PRDM16: variants seen among roughly 807,000 people sequenced by gnomAD.
PRDM16 encodes the protein histone-lysine N-methyltransferase PRDM16.
PRDM16 carries 23 observed loss-of-function variants against 110.6 expected under a neutral mutation model. That is an observed-to-expected ratio of 0.21 (90% CI 0.15 to 0.29). The LOEUF (loss-of-function observed/expected upper bound fraction) is 0.29. Ranked by LOEUF, PRDM16 falls within the 10% of genes least tolerant of loss-of-function variation. The pLI is 1.00. For missense variants in PRDM16, 1,615 were observed against 1,794.3 expected (o/e 0.90, Z 1.81); for synonymous variants, 799 against 781.8 (o/e 1.02, Z -0.37).
intron 2 of PRDM16, among the ~76,000 whole-genome samples, chr1:3,203,655 C>G (rs1638684004): frequency 6.6e-6 from 1 of 152,216 alleles, no homozygotes; most frequent in Non-Finnish European, 1.5e-5. Context: ...AGGCCTCTGG[C>G]TTTATCTTCA....
intron 3 of PRDM16, among the ~76,000 whole-genome samples, chr1:3,351,249 C>G (rs1468741176): frequency 6.6e-6 from 1 of 152,128 alleles, no homozygotes; most frequent in Middle Eastern, 3.2e-3. Context: ...GGGTGTCCCT[C>G]CCGGTCCCTC....
chr1:3,155,166 C>T (rs147049034), intron 1 of PRDM16, among the ~76,000 whole-genome samples: 137 of 152,294 alleles, frequency 9.0e-4, no homozygotes, highest in Non-Finnish European at 1.7e-3. Context: ...TGCCGTCCTG[C>T]GGACCTCTCC....
chr1:3,343,719 C>T (rs1014704562), intron 3 of PRDM16, among the ~76,000 whole-genome samples: 1 of 151,974 alleles, frequency 6.6e-6, no homozygotes, highest in African/African-American at 2.4e-5. Context: ...CTACAAGCTC[C>T]GCCTCCCGGG....
At chr1:3,117,909 G>A (rs1042358561) in intron 1 of PRDM16, among the ~76,000 whole-genome samples, 1 of 152,212 alleles carries the variant, frequency 6.6e-6, no homozygotes, top group Non-Finnish European at 1.5e-5. Context: ...GGCTACAAGA[G>A]GCAGGGCTTC....
chr1:3,159,297 C>G (rs1251543044), intron 1 of PRDM16, among the ~76,000 whole-genome samples: 3 of 152,262 alleles, frequency 2.0e-5, no homozygotes, highest in Admixed American at 2.0e-4. Flanking sequence ...GCAAGGGCCG[C>G]CATCACGATG....
At chr1:3,077,969 GC>G (rs1193973239) in intron 1 of PRDM16, among the ~76,000 whole-genome samples, 1 of 152,192 alleles carries the variant, frequency 6.6e-6, no homozygotes, top group Non-Finnish European at 1.5e-5. Flanking sequence ...ATCTGTTCTG[GC>G]CCCTGCCACA....
chr1:3,345,188 C>T (rs539253605), intron 3 of PRDM16, among the ~76,000 whole-genome samples: 1 of 152,350 alleles, frequency 6.6e-6, no homozygotes, highest in African/African-American at 2.4e-5. Flanking sequence ...GACAGTGGCC[C>T]TCACAGTGCA....
At chr1:3,272,493 C>T (rs995038307) in intron 3 of PRDM16, among the ~76,000 whole-genome samples, 4 of 152,132 alleles carry the variant, frequency 2.6e-5, no homozygotes, top group South Asian at 4.1e-4. Context: ...AGGCTCCTTC[C>T]GGGACCTCGG....
At chr1:3,177,320 C>T (rs1420167756) in intron 1 of PRDM16, among the ~76,000 whole-genome samples, 1 of 152,198 alleles carries the variant, frequency 6.6e-6, no homozygotes, top group Non-Finnish European at 1.5e-5. Context: ...GACGAAGGCC[C>T]TTACTGACTG....
chr1:3,413,187 A>C (rs547492204), intron 9 of PRDM16, among the ~76,000 whole-genome samples: 1 of 139,862 alleles, frequency 7.1e-6, no homozygotes, highest in East Asian at 2.5e-4. Flanking sequence ...TCTCTGGTCT[A>C]GCTCTCCCCA....
intron 3 of PRDM16, among the ~76,000 whole-genome samples, chr1:3,300,418 C>T (rs1641183200): frequency 1.3e-5 from 2 of 148,198 alleles, no homozygotes; most frequent in African/African-American, 5.0e-5. Flanking sequence ...AGATCCCAGT[C>T]GTGGTGACTC....
intron 3 of PRDM16, among the ~76,000 whole-genome samples, chr1:3,349,856 C>T (rs1642446573): frequency 6.6e-6 from 1 of 152,194 alleles, no homozygotes; most frequent in Non-Finnish European, 1.5e-5. Context: ...GCCTCCGCAG[C>T]CCCCGCAGCC....
intron 3 of PRDM16, among the ~76,000 whole-genome samples, chr1:3,269,578 G>A (rs1012574403): frequency 2.6e-4 from 37 of 142,202 alleles, no homozygotes; most frequent in African/African-American, 7.7e-4. Context: ...GGACAGTCCC[G>A]GAGGAGGACA....
At chr1:3,296,057 G>A (rs928187569) in intron 3 of PRDM16, among the ~76,000 whole-genome samples, 5 of 152,234 alleles carry the variant, frequency 3.3e-5, no homozygotes, top group Admixed American at 1.3e-4. Flanking sequence ...GGACTTGCCC[G>A]AAAGGACAGC....
chr1:3,339,130 C>T lies in PRDM16; in HGVS notation c.439-46022C>T, dbSNP rs1284002308. ...CTGGCCTCCCCATGTCCCGCCTTTC[C>T]GGGTGCTCAGAGGCATCTCCTGCTC... is the stretch of plus-strand genomic sequence containing the variant. On this transcript the variant is annotated intron_variant, in intron 3 of 16. Coordinates refer to ENST00000270722, the MANE Select transcript of PRDM16 (RefSeq NM_022114.4). The surrounding 1 kb of genome is among the most constrained non-coding windows in gnomAD (Gnocchi z 5.0). Among the ~76,000 whole-genome samples the T allele has an allele frequency of 6.6e-6, 1 of 152,118 alleles. No homozygotes were observed. Among genetic ancestry groups the T allele is most frequent in the Non-Finnish European group, 1.5e-5 (1 of 68,006 alleles).
intron 1 of PRDM16, among the ~76,000 whole-genome samples, chr1:3,130,797 G>GT (rs34616112): frequency 0.55 from 77,042 of 141,170 alleles, 23,258 homozygotes; most frequent in African/African-American, 0.84. Context: ...TGGGGGGGCT[G>GT]TTTTTTTTTT....
chr1:3,099,401 A>G (rs1642481028), intron 1 of PRDM16, among the ~76,000 whole-genome samples: 1 of 152,236 alleles, frequency 6.6e-6, no homozygotes, highest in East Asian at 1.9e-4. Flanking sequence ...AGCTACACCA[A>G]TAACCAGCCT....
At chr1:3,256,522 T>G (rs1268259778) in intron 3 of PRDM16, among the ~76,000 whole-genome samples, 1 of 152,184 alleles carries the variant, frequency 6.6e-6, no homozygotes, top group Middle Eastern at 3.2e-3. Flanking sequence ...GGGAACAATG[T>G]ACTGTCCACC....
intron 3 of PRDM16, among the ~76,000 whole-genome samples, chr1:3,305,723 C>A (rs7529402): frequency 6.6e-6 from 1 of 152,226 alleles, no homozygotes; most frequent in East Asian, 1.9e-4. Context: ...CCCAGCTCCG[C>A]GACTTTTGCA....
Sources: gnomAD v4.1 joint callset for allele counts (sites outside exome capture counted in the v4.1 genomes callset) on GRCh38, gnomAD v4.1.1 for gene constraint, Gnocchi (gnomAD v3.1) non-coding constraint, MANE v1.5 for transcripts, NCBI Gene and HGNC (gene_info 2026-07-23, HGNC 2026-07-21) for gene names.